Variants in MPP7 observed in about 807,000 individuals in gnomAD.
The protein encoded by MPP7 is MAGUK p55 subfamily member 7.
MPP7 carries 60 observed loss-of-function variants against 76.5 expected under a neutral mutation model. The ratio of observed to expected loss-of-function variants is 0.78; its 90% CI spans 0.64 to 0.97. MPP7 has a LOEUF of 0.97. Ranked by LOEUF, MPP7 falls within the 50% of genes least tolerant of loss-of-function variation. MPP7 has a pLI of 0.00. For missense variants in MPP7, 641 were observed against 694.0 expected, an observed-to-expected ratio of 0.92 and a Z score of 0.86; for synonymous variants, 237 against 244.5, an observed-to-expected ratio of 0.97 and a Z score of 0.29.
intron 3 of MPP7, among the ~76,000 whole-genome samples, chr10:28,192,112 C>CA (rs1834837536): frequency 6.6e-6 from 1 of 151,696 alleles, no homozygotes. Flanking sequence ...AGTACCCATT[C>CA]ACAATAAAAA....
chr10:28,118,144 C>CTCCGTTA lies in MPP7; in HGVS notation c.952+1500_952+1506dup, dbSNP rs1834716642. On this transcript the variant is annotated intron_variant, in intron 11 of 16. Coordinates refer to ENST00000683449, the MANE Select transcript of MPP7 (RefSeq NM_001318170.2). ...TCATGCAAATCAACATACAAAAGGA[C>CTCCGTTA]TCCGTTACAATTAATACTTCTACAT... 8.1e-6 allele frequency: 8 copies of CTCCGTTA among 983,948 alleles called. No individual in the cohort carries two copies. The South Asian group carries it at 2.4e-4, about 29-fold the overall frequency. The allele number at this position is 983,948 out of a possible 1,614,324, so 61.0% of individuals were successfully genotyped here.
chr10:28,295,800 C>T (rs1043551133), intron 1 of MPP7, among the ~76,000 whole-genome samples: 2 of 152,234 alleles, frequency 1.3e-5, no homozygotes, highest in African/African-American at 2.4e-5. Context: ...ATATCTAGAC[C>T]GGGAGACTTT....
chr10:28,212,492 G>T (rs562901342), intron 2 of MPP7, among the ~76,000 whole-genome samples: 1 of 152,200 alleles, frequency 6.6e-6, no homozygotes, highest in Non-Finnish European at 1.5e-5. Context: ...GTGGGCAGTT[G>T]AATATGGGGT....
intron 1 of MPP7, among the ~76,000 whole-genome samples, chr10:28,272,993 A>G (rs1446447570): frequency 2.0e-5 from 3 of 152,076 alleles, no homozygotes; most frequent in Non-Finnish European, 2.9e-5. Context: ...TCTCAGCTCA[A>G]TGCAACTTCC....
intron 11 of MPP7, among the ~76,000 whole-genome samples, chr10:28,101,167 GAT>G (rs1853808083): frequency 6.6e-6 from 1 of 152,130 alleles, no homozygotes; most frequent in Non-Finnish European, 1.5e-5. Flanking sequence ...GACATGCTGA[GAT>G]TATGCAGCGT....
At chr10:28,119,056 A>C (rs1834746103) in intron 11 of MPP7, 1 of 985,392 alleles carries the variant, frequency 1.0e-6, no homozygotes, top group East Asian at 1.1e-4. Context: ...CTGACAGAAG[A>C]TTAGGCTGAA....
At chr10:28,105,765 C>T (rs1443068792) in intron 11 of MPP7, among the ~76,000 whole-genome samples, 2 of 152,156 alleles carry the variant, frequency 1.3e-5, no homozygotes, top group Non-Finnish European at 2.9e-5. Flanking sequence ...GCCTTGGCTT[C>T]CCAAAGTGCA....
chr10:28,302,700 G>C (rs1422720979), intron 1 of MPP7, among the ~76,000 whole-genome samples, 161 bp downstream of exon 1: 1 of 150,002 alleles, frequency 6.7e-6, no homozygotes, highest in Admixed American at 6.6e-5. Flanking sequence ...TGCCCGCCGC[G>C]GGCTCCCAGG....
At chr10:28,176,848 C>T (rs1303278197) in intron 3 of MPP7, among the ~76,000 whole-genome samples, 4 of 121,942 alleles carry the variant, frequency 3.3e-5, no homozygotes, top group East Asian at 2.6e-4. Context: ...GGACACAGGA[C>T]GGGGAACATC....
intron 2 of MPP7, among the ~76,000 whole-genome samples, chr10:28,234,117 A>C (rs183831679): frequency 6.6e-6 from 1 of 152,208 alleles, no homozygotes; most frequent in Non-Finnish European, 1.5e-5. Context: ...AGAAATGTCT[A>C]CTTCTAGGAC....
rs116493859 is a variant in MPP7 at position 28,202,529 on chromosome 10, G to A, written c.38-258C>T. ...ACAGCCCTCCAAGTTTACATAATCC[G>A]AGACAGAAAATGTGTACAGGTTTTC... is the stretch of plus-strand genomic sequence containing the variant. On this transcript the variant is annotated intron_variant, in intron 2 of 16. Transcript: ENST00000683449. Among the ~76,000 whole-genome samples, 753 of 152,166 alleles carry A rather than the reference G, an allele frequency of 4.9e-3. 8 individuals are homozygous for A. The highest frequency in any genetic ancestry group is 0.018 in the African/African-American group (733 of 41,518).
At chr10:28,135,960 T>G (rs1835340463) in intron 5 of MPP7, among the ~76,000 whole-genome samples, 1 of 152,152 alleles carries the variant, frequency 6.6e-6, no homozygotes, top group South Asian at 2.1e-4. Context: ...AAGCTTCATC[T>G]ATATTTATAG....
intron 3 of MPP7, among the ~76,000 whole-genome samples, chr10:28,158,624 A>G (rs1267322174): frequency 6.6e-6 from 1 of 152,186 alleles, no homozygotes; most frequent in Non-Finnish European, 1.5e-5. Context: ...ATGGCAGAAC[A>G]GAGAGAGGGA....
intron 11 of MPP7, among the ~76,000 whole-genome samples, chr10:28,109,637 G>A (rs1349259612): frequency 4.6e-5 from 7 of 151,856 alleles, no homozygotes; most frequent in South Asian, 2.1e-4. Context: ...CAGAGCATGC[G>A]AGTGCAAATG....
chr10:28,118,589 G>A (rs1224774022), intron 11 of MPP7: 1 of 985,250 alleles, frequency 1.0e-6, no homozygotes, highest in African/African-American at 1.7e-5. Flanking sequence ...TAAGAACAGT[G>A]CAATATTCTC....
intron 2 of MPP7, among the ~76,000 whole-genome samples, chr10:28,315,205 A>AAGGATGGAAGGAAGGAAGGG (rs1432992157): frequency 7.0e-6 from 1 of 142,472 alleles, no homozygotes; most frequent in Admixed American, 7.0e-5. Flanking sequence ...GGAAGGAAGG[A>AAGGATGGAAGGAAGGAAGGG]AGGATGGAAG....
intron 3 of MPP7, among the ~76,000 whole-genome samples, chr10:28,175,217 G>C (rs1006521017): frequency 5.3e-5 from 8 of 152,042 alleles, no homozygotes; most frequent in South Asian, 2.1e-4. Flanking sequence ...TTGAACCCAG[G>C]GGGCAGAGGG....
intron 2 of MPP7, among the ~76,000 whole-genome samples, chr10:28,223,636 G>A (rs1403437305): frequency 6.6e-6 from 1 of 152,044 alleles, no homozygotes; most frequent in Non-Finnish European, 1.5e-5. Flanking sequence ...ACATTCTACT[G>A]AGTAAAACAG....
At position 28,197,842 on chromosome 10, in the gene MPP7, A is replaced by T. The variant is rs1837638846; in HGVS notation, c.156+4311T>A. Among the ~76,000 whole-genome samples the T allele has an allele frequency of 2.0e-5, 3 of 152,214 alleles. No individual in the cohort carries two copies. The South Asian group carries it at 6.2e-4, about 32-fold the overall frequency. ...ATACCCCATTTACCCTGATGTGATT[A>T]TTATATTGCATGCTGGTATCAAAAT... On this transcript the variant is annotated intron_variant, in intron 3 of 16. Coordinates refer to ENST00000683449, the MANE Select transcript of MPP7 (RefSeq NM_001318170.2).
Sources: gnomAD v4.1 joint callset for allele counts (sites outside exome capture counted in the v4.1 genomes callset) on GRCh38, gnomAD v4.1.1 for gene constraint, MANE v1.5 for transcripts, NCBI Gene and HGNC (gene_info 2026-07-23, HGNC 2026-07-21) for gene names.